C9: variants seen among roughly 807,000 people sequenced by gnomAD.
C9 encodes complement component C9.
C9 carries 63 observed loss-of-function variants against 65.4 expected under a neutral mutation model. That is an observed-to-expected ratio of 0.96 (90% CI 0.79 to 1.19). The LOEUF is 1.19. C9 is among the 50% of genes most tolerant of loss of function. The pLI, the probability that C9 is intolerant of heterozygous loss-of-function variation, is 0.00. For synonymous variants in C9, 229 were observed against 227.9 expected (o/e 1.00, Z -0.04); for missense variants, 744 against 670.1 (o/e 1.11, Z -1.22).
intron 1 of C9, among the ~76,000 whole-genome samples, chr5:39,360,108 A>AT (rs1386848807): frequency 2.0e-5 from 3 of 152,166 alleles, no homozygotes; most frequent in Non-Finnish European, 2.9e-5. Flanking sequence ...ATGTTTGGAT[A>AT]TTTTTCCAGA....
chr5:39,314,177 C>T (rs763348355), intron 6 of C9, among the ~76,000 whole-genome samples: 9 of 151,996 alleles, frequency 5.9e-5, no homozygotes, highest in African/African-American at 1.9e-4. Flanking sequence ...AGGCTGGGCG[C>T]GGTGGCTCAC....
chr5:39,341,226 A>T lies in C9; in HGVS notation c.396T>A (p.Asp132Glu). The T allele has an allele frequency of 1.2e-6, 2 of 1,613,992 alleles. No homozygotes were observed. Among genetic ancestry groups the T allele is most frequent in the East Asian group, 2.2e-5 (1 of 44,882 alleles). Residue 132 changes from aspartate to glutamate, a missense_variant, in exon 4 of 11, where the codon GAT becomes GAA. By Grantham distance (45) the Asp-to-Glu change is conservative. Coordinates refer to ENST00000263408, the MANE Select transcript of C9 (RefSeq NM_001737.5). The stretch of plus-strand genomic sequence containing the variant: ...GGGGACGGGGCTCACTTTCACAATC[A>T]TCCTCATCTGAAAAGTCTCCGCAGT... ...DNDCGDFSDE[D>E]DCESEPRPPC...
intron 9 of C9, among the ~76,000 whole-genome samples, chr5:39,289,657 G>A (rs1404867005): frequency 1.3e-5 from 2 of 151,870 alleles, no homozygotes; most frequent in East Asian, 3.9e-4. Flanking sequence ...TGCATATGAA[G>A]TATCAGGAAT....
intron 9 of C9, among the ~76,000 whole-genome samples, chr5:39,298,993 T>C (rs2111859717): frequency 6.6e-6 from 1 of 151,998 alleles, no homozygotes; most frequent in Admixed American, 6.6e-5. Flanking sequence ...TCAACATCTA[T>C]TTATGACAAA....
intron 9 of C9, among the ~76,000 whole-genome samples, chr5:39,303,122 A>G (rs1248716776): frequency 1.3e-5 from 2 of 152,178 alleles, no homozygotes; most frequent in Non-Finnish European, 2.9e-5. Context: ...AATAAATGTA[A>G]TTTCTCTTAG....
rs557518987 is a variant in C9 at position 39,348,560 on chromosome 5, T to G, written c.78-6364A>C. ...GGATGTGGAGAAATAGGAACACTTT[T>G]ACACTGTTGGTGGGACTGTAAACTA... On this transcript the variant is annotated intron_variant, in intron 1 of 10. Coordinates refer to ENST00000263408, the MANE Select transcript of C9 (RefSeq NM_001737.5). Among the ~76,000 whole-genome samples, 7 of 152,242 alleles carry G rather than the reference T, an allele frequency of 4.6e-5. No individual in the cohort carries two copies. The East Asian group carries it at 1.4e-3, about 29-fold the overall frequency.
Position 39,315,930 on chromosome 5 carries a change from T to C in C9, c.715A>G (p.Ile239Val), listed in dbSNP as rs751239379. ...QEKTSNFNAA[I>V]SLKFTPTETN... ...TCAGTGGGTGTAAATTTTAGAGATATAGCTGCATTAAAATTTGATGTCTTC... is the reference window on the plus strand; with the variant it reads ...TCAGTGGGTGTAAATTTTAGAGATACAGCTGCATTAAAATTTGATGTCTTC... Residue 239 changes from isoleucine to valine, a missense_variant, in exon 6 of 11, where the codon ATA becomes GTA. Ile to Val is a conservative substitution (Grantham distance 29, BLOSUM62 3). Coordinates refer to ENST00000263408, the MANE Select transcript of C9 (RefSeq NM_001737.5). 2 of 1,610,794 alleles carry C rather than the reference T, an allele frequency of 1.2e-6. No individual in the cohort carries two copies. Among genetic ancestry groups the C allele is most frequent in the African/African-American group, 2.7e-5 (2 of 74,844 alleles).
chr5:39,327,370 G>A (rs375122950), intron 5 of C9, among the ~76,000 whole-genome samples: 1 of 152,180 alleles, frequency 6.6e-6, no homozygotes, highest in Non-Finnish European at 1.5e-5. Context: ...TCCTACATGA[G>A]AAGTGATGGG....
chr5:39,359,122 A>G (rs1242760153), intron 1 of C9, among the ~76,000 whole-genome samples: 3 of 143,984 alleles, frequency 2.1e-5, no homozygotes, highest in African/African-American at 7.7e-5. Flanking sequence ...ATATATATAT[A>G]TATGTAGTAC....
At chr5:39,341,958 T>G (rs1016166220) in intron 2 of C9, 133 bp downstream of exon 2, 3 of 723,524 alleles carry the variant, frequency 4.1e-6, no homozygotes, top group Non-Finnish European at 7.6e-6. Context: ...CAACATACAT[T>G]TAAATGTTTA....
At chr5:39,325,454 T>C (rs1241344768) in intron 5 of C9, among the ~76,000 whole-genome samples, 4 of 152,172 alleles carry the variant, frequency 2.6e-5, no homozygotes, top group Admixed American at 2.0e-4. Context: ...CATTGTACAC[T>C]TCTTTGGTAA....
chr5:39,334,420 C>T (rs10462001), intron 4 of C9, among the ~76,000 whole-genome samples: 57,570 of 148,764 alleles, frequency 0.39, 12,242 homozygotes, highest in Middle Eastern at 0.54. Flanking sequence ...GCCCGGCAGC[C>T]GCCCCGTCTG....
At chr5:39,304,512 T>A (rs1753339624) in intron 9 of C9, among the ~76,000 whole-genome samples, 1 of 152,122 alleles carries the variant, frequency 6.6e-6, no homozygotes, top group South Asian at 2.1e-4. Flanking sequence ...GAGAGTAAAA[T>A]AACTTGGAAT....
At chr5:39,353,919 GT>G (rs1165157063) in intron 1 of C9, among the ~76,000 whole-genome samples, 1 of 152,132 alleles carries the variant, frequency 6.6e-6, no homozygotes, top group Admixed American at 6.5e-5. Context: ...TAGTCATGGG[GT>G]TTTGGCCAAA....
intron 4 of C9, among the ~76,000 whole-genome samples, chr5:39,338,879 G>A (rs549932560): frequency 3.9e-5 from 6 of 152,158 alleles, no homozygotes; most frequent in Admixed American, 6.5e-5. Flanking sequence ...CTGAACAAAG[G>A]AAACCAATAG....
chr5:39,362,026 G>A (rs1215561211), intron 1 of C9, among the ~76,000 whole-genome samples: 3 of 151,924 alleles, frequency 2.0e-5, no homozygotes, highest in East Asian at 1.9e-4. Context: ...CTTACCATGC[G>A]CCAGGCACAG....
chr5:39,335,331 G>A (rs1451122689), intron 4 of C9, among the ~76,000 whole-genome samples: 1 of 152,142 alleles, frequency 6.6e-6, no homozygotes, highest in Non-Finnish European at 1.5e-5. Flanking sequence ...CTGCTTCCAT[G>A]CAAATTGTGT....
intron 8 of C9, 94 bp downstream of exon 8, chr5:39,308,136 G>A (rs1484103181): frequency 8.7e-7 from 1 of 1,146,078 alleles, no homozygotes; most frequent in African/African-American, 1.5e-5. Context: ...GCACAAAGAG[G>A]ACAGACAATT....
At position 39,334,619 on chromosome 5, in the gene C9, G is replaced by A. The variant is rs554943966; in HGVS notation, c.477-2805C>T. Among the ~76,000 whole-genome samples, 49 of 149,748 alleles carry A rather than the reference G, an allele frequency of 3.3e-4. 1 individual carries two copies. The South Asian group carries it at 5.3e-3, about 16-fold the overall frequency. On this transcript the variant is annotated intron_variant, in intron 4 of 10. Coordinates refer to ENST00000263408, the MANE Select transcript of C9 (RefSeq NM_001737.5). ...CTGCCCCGTCTGGGAGGTGAGGGGC[G>A]CCTCTGCCTGGCCACCCCTACTGGG... is the stretch of plus-strand genomic sequence containing the variant.
Sources: gnomAD v4.1 joint callset for allele counts (sites outside exome capture counted in the v4.1 genomes callset) on GRCh38, gnomAD v4.1.1 for gene constraint, MANE v1.5 for transcripts, NCBI Gene and HGNC (gene_info 2026-07-23, HGNC 2026-07-21) for gene names.